Variants in CTTNBP2 observed in about 807,000 individuals in gnomAD.
The protein encoded by CTTNBP2 is cortactin-binding protein 2.
Under a neutral mutation model 156.9 loss-of-function variants are expected in CTTNBP2, and 108 were observed. The ratio of observed to expected loss-of-function variants is 0.69; its 90% CI spans 0.59 to 0.81. The LOEUF (loss-of-function observed/expected upper bound fraction) is 0.81. Among genes scored for constraint, CTTNBP2 ranks in the 30% least tolerant of loss-of-function variants. The pLI, the probability that CTTNBP2 is intolerant of heterozygous loss-of-function variation, is 0.00. For synonymous variants in CTTNBP2, 767 were observed against 751.8 expected (o/e 1.02, Z -0.33); for missense variants, 1,924 against 2,035.4 (o/e 0.95, Z 1.05).
chr7:117,808,131 A>G (rs915758854), intron 3 of CTTNBP2, among the ~76,000 whole-genome samples: 1 of 152,182 alleles, frequency 6.6e-6, no homozygotes, highest in Admixed American at 6.5e-5. Flanking sequence ...GGCTACACAG[A>G]TTCAAAGTTC....
intron 8 of CTTNBP2, among the ~76,000 whole-genome samples, chr7:117,771,240 G>A (rs1172567894): frequency 2.0e-5 from 3 of 152,158 alleles, no homozygotes; most frequent in South Asian, 4.1e-4. Context: ...GAAACCCCAA[G>A]TCCAGAGAGC....
At chr7:117,769,508 T>G (rs1467895295) in intron 8 of CTTNBP2, among the ~76,000 whole-genome samples, 1 of 152,210 alleles carries the variant, frequency 6.6e-6, no homozygotes, top group Non-Finnish European at 1.5e-5. Flanking sequence ...AGTCTGGCAA[T>G]CTGTACAATT....
At chr7:117,867,599 C>T (rs1469068798) in intron 1 of CTTNBP2, among the ~76,000 whole-genome samples, 1 of 151,954 alleles carries the variant, frequency 6.6e-6, no homozygotes, top group African/African-American at 2.4e-5. Context: ...AGTATGAAAA[C>T]AGAAAGTGTG....
At chr7:117,715,494 G>A (rs73716249) in intron 22 of CTTNBP2, among the ~76,000 whole-genome samples, 830 of 83,248 alleles carry the variant, frequency 1.0e-2, no homozygotes, top group African/African-American at 0.038. Flanking sequence ...AAAAAAAAAA[G>A]AAGCCTCAAG....
Position 117,760,603 on chromosome 7 carries a change from T to G in CTTNBP2, c.3004A>C (p.Lys1002Gln), listed in dbSNP as rs747292695. Reference protein sequence around the residue: ...ENTICALNIRKQTSWDDFSKA... With the variant: ...ENTICALNIRQQTSWDDFSKA... The stretch of plus-strand genomic sequence containing the variant: ...GAAAAATCATCCCATGATGTCTGTT[T>G]GCGGATATTTAAAGCACATATTGTG... The change falls in exon 10 of 23, where the codon AAA becomes CAA. Residue 1002 changes from lysine to glutamine, a missense_variant. Lys to Gln is a moderately conservative substitution (Grantham distance 53). Coordinates refer to ENST00000160373, the MANE Select transcript of CTTNBP2 (RefSeq NM_033427.3). 19 of 1,614,162 alleles carry G rather than the reference T, an allele frequency of 1.2e-5. No individual in the cohort carries two copies. In the South Asian group the frequency reaches 2.1e-4, roughly 18 times the overall value.
chr7:117,785,419 G>A (rs182494782), intron 4 of CTTNBP2, among the ~76,000 whole-genome samples: 2 of 152,262 alleles, frequency 1.3e-5, no homozygotes, highest in Non-Finnish European at 1.5e-5. Flanking sequence ...TAAATACAGT[G>A]AATTTTCAAA....
At chr7:117,768,581 A>AAAAAAAAAAGAAAGAAAG (rs1554419704) in intron 8 of CTTNBP2, among the ~76,000 whole-genome samples, 2 of 99,118 alleles carry the variant, frequency 2.0e-5, no homozygotes, top group African/African-American at 9.5e-5. Flanking sequence ...AAAAAAAAAA[A>AAAAAAAAAAGAAAGAAAG]AAAGAAAGAA....
chr7:117,739,616 T>A (rs1436213108), intron 14 of CTTNBP2, among the ~76,000 whole-genome samples: 1 of 152,340 alleles, frequency 6.6e-6, no homozygotes, highest in East Asian at 1.9e-4. Context: ...AGTTTAAAAA[T>A]AATTAGCATA....
intron 2 of CTTNBP2, among the ~76,000 whole-genome samples, chr7:117,817,333 CAAAAAAAAAAAAAA>C (rs1165563266): frequency 5.5e-4 from 15 of 27,214 alleles, no homozygotes; most frequent in African/African-American, 1.4e-3. Context: ...GACTCCATCT[CAAAAAAAAAAAAAA>C]AAAAAAAAAA....
intron 3 of CTTNBP2, among the ~76,000 whole-genome samples, chr7:117,809,944 A>G (rs1339282536): frequency 6.6e-6 from 1 of 152,236 alleles, no homozygotes; most frequent in African/African-American, 2.4e-5. Context: ...ATGAGCTTCT[A>G]GCTTTCTCAC....
At chr7:117,760,200 G>A (rs1404255411) in intron 10 of CTTNBP2, 15 of 535,242 alleles carry the variant, frequency 2.8e-5, no homozygotes, top group Non-Finnish European at 5.0e-5. Flanking sequence ...CCTCATCAAC[G>A]GCTTTCATGT....
intron 22 of CTTNBP2, chr7:117,714,278 A>G (rs2116320363): frequency 6.6e-6 from 1 of 152,370 alleles, no homozygotes; most frequent in Non-Finnish European, 1.5e-5. Context: ...ACCAGGATCC[A>G]ATCTCATTTT....
chr7:117,741,589 A>G (rs1464436804), intron 14 of CTTNBP2, among the ~76,000 whole-genome samples: 1 of 152,186 alleles, frequency 6.6e-6, no homozygotes, highest in Non-Finnish European at 1.5e-5. Context: ...TTACCAAACC[A>G]CAGTCATGTG....
intron 2 of CTTNBP2, among the ~76,000 whole-genome samples, chr7:117,841,902 A>G (rs1212845133): frequency 6.6e-6 from 1 of 152,192 alleles, no homozygotes; most frequent in Non-Finnish European, 1.5e-5. Flanking sequence ...CAGAATCCAC[A>G]AGCAGGACAG....
rs761465731 is a variant in CTTNBP2 at position 117,718,066 on chromosome 7, A to C, written c.4698T>G (p.Pro1566=). 1.2e-6 allele frequency: 2 copies of C among 1,613,610 alleles called. No individual in the cohort carries two copies. Among genetic ancestry groups the C allele is most frequent in the South Asian group, 2.2e-5 (2 of 91,056 alleles). Residue 1566 remains proline, a synonymous_variant, in exon 22 of 23, where the codon CCT becomes CCG. Coordinates refer to ENST00000160373, the MANE Select transcript of CTTNBP2 (RefSeq NM_033427.3). ...LRMFDSSGNN[P]VLSATINNLR... ...GATTATTAATAGTTGCTGAAAGTACAGGGTTGTTTCCAGAACTATCAAACA... is the reference window on the plus strand; with the variant it reads ...GATTATTAATAGTTGCTGAAAGTACCGGGTTGTTTCCAGAACTATCAAACA...
chr7:117,748,936 G>A (rs971436467), intron 12 of CTTNBP2, among the ~76,000 whole-genome samples: 9 of 152,194 alleles, frequency 5.9e-5, no homozygotes, highest in Admixed American at 5.9e-4. Context: ...TCCACCACTT[G>A]AGGATTGAAT....
At chr7:117,746,250 C>T (rs1796325006) in intron 12 of CTTNBP2, 151 bp from the exon 13 acceptor site, 2 of 615,706 alleles carry the variant, frequency 3.2e-6, no homozygotes, top group African/African-American at 3.7e-5. Context: ...TCATTGGACA[C>T]CTGTACTCTC....
chr7:117,714,761 C>T (rs1411952384), intron 22 of CTTNBP2, among the ~76,000 whole-genome samples: 6 of 152,152 alleles, frequency 3.9e-5, no homozygotes, highest in East Asian at 1.9e-4. Flanking sequence ...TTGGGCTTAG[C>T]GTGAGCCACA....
At chr7:117,732,784 G>A (rs1016312814) in intron 16 of CTTNBP2, among the ~76,000 whole-genome samples, 1 of 151,796 alleles carries the variant, frequency 6.6e-6, no homozygotes, top group Non-Finnish European at 1.5e-5. Flanking sequence ...ACACTGGTAT[G>A]TCCTACATGA....
Sources: allele counts gnomAD v4.1 joint callset (sites outside exome capture counted in the v4.1 genomes callset), GRCh38; gene constraint gnomAD v4.1.1; transcripts MANE v1.5; gene names NCBI Gene and HGNC (gene_info 2026-07-23, HGNC 2026-07-21).